SDK1: variants seen among roughly 807,000 people sequenced by gnomAD.
SDK1 encodes sidekick cell adhesion molecule 1.
A neutral mutation model predicts 245.5 loss-of-function variants in SDK1; 157 were observed. That is an observed-to-expected ratio of 0.64 (90% confidence interval 0.56 to 0.73). The LOEUF is 0.73. Ranked by LOEUF, SDK1 falls within the 30% of genes least tolerant of loss-of-function variation. The pLI is 0.00. For synonymous variants in SDK1, 1,647 were observed against 1,278.5 expected (o/e 1.29, Z -6.15); for missense variants, 3,583 against 3,002.3 (o/e 1.19, Z -4.52).
rs765119713 is a variant in SDK1 at position 4,178,604 on chromosome 7, C to G, written c.5098+18C>G. On this transcript the variant is annotated intron_variant, in intron 35 of 44. Coordinates refer to ENST00000404826, the MANE Select transcript of SDK1 (RefSeq NM_152744.4). ...CGAGGCTGGTAAGCTCCGTGCACCC[C>G]CAACCCCACTGCCAGAGAGGGCCAC... 1.9e-6 allele frequency: 3 copies of G among 1,578,410 alleles called. No individual in the cohort carries two copies. The highest frequency in any genetic ancestry group is 1.7e-6 in the Non-Finnish European group (2 of 1,153,604).
At chr7:3,782,479 A>G (rs1036859944) in intron 4 of SDK1, among the ~76,000 whole-genome samples, 1 of 152,210 alleles carries the variant, frequency 6.6e-6, no homozygotes, top group African/African-American at 2.4e-5. Flanking sequence ...GAGTTCTCCA[A>G]TCAAATTCAA....
At chr7:3,543,822 T>C (rs977178265) in intron 1 of SDK1, among the ~76,000 whole-genome samples, 1 of 152,240 alleles carries the variant, frequency 6.6e-6, no homozygotes. Context: ...TTTCAGAGTA[T>C]GTAATGAATA....
chr7:3,786,387 T>C (rs1325314805), intron 4 of SDK1, among the ~76,000 whole-genome samples: 2 of 152,202 alleles, frequency 1.3e-5, no homozygotes, highest in Admixed American at 6.5e-5. Flanking sequence ...CTACAGGGCA[T>C]TTTGTAGCTT....
chr7:3,702,492 C>G (rs1784767941), intron 4 of SDK1, among the ~76,000 whole-genome samples: 1 of 152,196 alleles, frequency 6.6e-6, no homozygotes, highest in Admixed American at 6.5e-5. Context: ...CTCTCCCCCT[C>G]CACATTAGGG....
chr7:3,638,882 A>G (rs3817615), intron 2 of SDK1, 122 bp from the exon 3 acceptor site: 135,905 of 458,380 alleles, frequency 0.3, 21,112 homozygotes, highest in South Asian at 0.46. Context: ...CAAAAATAAA[A>G]TATTTGTTGA....
intron 1 of SDK1, among the ~76,000 whole-genome samples, chr7:3,565,668 C>G (rs1480101807): frequency 6.6e-6 from 1 of 152,090 alleles, no homozygotes; most frequent in Non-Finnish European, 1.5e-5. Flanking sequence ...TGCTCAAATC[C>G]CTGACTTAAA....
At chr7:4,065,919 A>G (rs546321722) in intron 19 of SDK1, among the ~76,000 whole-genome samples, 2 of 151,986 alleles carry the variant, frequency 1.3e-5, no homozygotes, top group South Asian at 2.1e-4. Flanking sequence ...TTTCAGGACA[A>G]CTGACACCCT....
intron 5 of SDK1, among the ~76,000 whole-genome samples, chr7:3,884,771 C>T (rs114290605): frequency 2.0e-5 from 3 of 152,198 alleles, no homozygotes; most frequent in South Asian, 2.1e-4. Context: ...TAAATAGTTA[C>T]ATCTCTGGTG....
intron 5 of SDK1, among the ~76,000 whole-genome samples, chr7:3,910,514 A>C (rs1583550069): frequency 1.3e-5 from 2 of 152,168 alleles, no homozygotes; most frequent in African/African-American, 4.8e-5. Flanking sequence ...GAGGTCACCA[A>C]AAAGTACTGA....
At chr7:3,994,476 T>C (rs1484209275) in intron 14 of SDK1, among the ~76,000 whole-genome samples, 1 of 151,646 alleles carries the variant, frequency 6.6e-6, no homozygotes, top group Non-Finnish European at 1.5e-5. Context: ...ACCCCATATC[T>C]ACAAAAAATT....
chr7:3,813,098 TTTTATTTA>T (rs898422143), intron 4 of SDK1, among the ~76,000 whole-genome samples: 1 of 152,174 alleles, frequency 6.6e-6, no homozygotes. Flanking sequence ...GCAATTTTAT[TTTTATTTA>T]TTTATTTATT....
intron 1 of SDK1, among the ~76,000 whole-genome samples, chr7:3,581,472 G>A (rs945043798): frequency 6.6e-6 from 1 of 152,160 alleles, no homozygotes; most frequent in Non-Finnish European, 1.5e-5. Context: ...AGTCAGAATG[G>A]TTATCATTAA....
At chr7:3,380,791 G>A (rs1484039886) in intron 1 of SDK1, among the ~76,000 whole-genome samples, 2 of 152,168 alleles carry the variant, frequency 1.3e-5, no homozygotes, top group Non-Finnish European at 2.9e-5. Flanking sequence ...CGAAAGGGAA[G>A]GGCCTGCTAG....
chr7:3,952,039 G>A (rs761589640), intron 7 of SDK1, 119 bp downstream of exon 7: 5 of 905,754 alleles, frequency 5.5e-6, no homozygotes, highest in African/African-American at 1.7e-5. Flanking sequence ...GCAAATGAAG[G>A]TGAGGTTGAG....
At chr7:3,552,249 G>C (rs1489841094) in intron 1 of SDK1, among the ~76,000 whole-genome samples, 1 of 152,082 alleles carries the variant, frequency 6.6e-6, no homozygotes, top group Admixed American at 6.5e-5. Flanking sequence ...GTATTAGCAA[G>C]GATGGTCTCG....
intron 20 of SDK1, among the ~76,000 whole-genome samples, chr7:4,068,191 A>T (rs1243000704): frequency 6.6e-6 from 1 of 152,214 alleles, no homozygotes; most frequent in African/African-American, 2.4e-5. Flanking sequence ...GCATGATCTT[A>T]GTAGGTGTCC....
intron 4 of SDK1, among the ~76,000 whole-genome samples, chr7:3,698,890 G>T (rs75850714): frequency 0.013 from 1,940 of 152,202 alleles, 46 homozygotes; most frequent in African/African-American, 0.045. Flanking sequence ...AGAGTTTAAG[G>T]CTTCAAAATA....
intron 28 of SDK1, among the ~76,000 whole-genome samples, chr7:4,136,307 A>G (rs191895597): frequency 3.3e-5 from 5 of 152,296 alleles, no homozygotes; most frequent in East Asian, 1.9e-4. Context: ...CAGGAAGACA[A>G]TTCCTGCAAA....
At chr7:3,668,920 C>T (rs372959280) in intron 4 of SDK1, among the ~76,000 whole-genome samples, 2 of 152,148 alleles carry the variant, frequency 1.3e-5, no homozygotes, top group South Asian at 4.1e-4. Context: ...GAGAAGGAGC[C>T]ATAGACCTGT....
Sources: gnomAD v4.1 joint callset for allele counts (sites outside exome capture counted in the v4.1 genomes callset) on GRCh38, gnomAD v4.1.1 for gene constraint, MANE v1.5 for transcripts, NCBI Gene and HGNC (gene_info 2026-07-23, HGNC 2026-07-21) for gene names.